The following KRT2 variants were observed in gnomAD, a reference collection of about 807,000 sequenced individuals.
The protein encoded by KRT2 is keratin, type II cytoskeletal 2 epidermal.
In KRT2, 37 loss-of-function variants were observed where a neutral mutation model predicts 48.5. The ratio of observed to expected loss-of-function variants is 0.76; its 90% CI spans 0.59 to 1.00. KRT2 has a LOEUF of 1.00. Ranked by LOEUF, KRT2 falls within the 50% of genes least tolerant of loss-of-function variation. The probability of loss-of-function intolerance (pLI) is 0.00; values close to 1 mark genes in which losing one functional copy is unlikely to be tolerated. For missense variants in KRT2, 880 were observed against 815.2 expected, an observed-to-expected ratio of 1.08 and a Z score of -0.97; for synonymous variants, 324 against 312.2, an observed-to-expected ratio of 1.04 and a Z score of -0.40.
In KRT2 at chr12:52,648,443, A is replaced by G. The variant is rs1941201781; in HGVS notation, c.958-106T>C. The stretch of plus-strand genomic sequence containing the variant: ...GGAAACGCAGACCCTCAGACTAAGC[A>G]TACACTAGGTGGGATGAAAATCATG... On this transcript the variant is annotated intron_variant, in intron 4 of 8. Coordinates refer to ENST00000309680, the MANE Select transcript of KRT2 (RefSeq NM_000423.3). 4.3e-6 allele frequency: 4 copies of G among 936,336 alleles called. No individual in the cohort carries two copies. In the Admixed American group the frequency reaches 6.8e-5, roughly 16 times the overall value. 58.0% of individuals were successfully genotyped at this position (936,336 alleles called of 1,614,324 possible).
chr12:52,645,731 G>T (rs918620525), intron 7 of KRT2, among the ~76,000 whole-genome samples, 162 bp from the exon 8 acceptor site: 1 of 152,164 alleles, frequency 6.6e-6, no homozygotes, highest in African/African-American at 2.4e-5. Flanking sequence ...ACACAATGAC[G>T]ACAGACCCCC....
chr12:52,645,055 T>G lies in KRT2; in HGVS notation c.1884A>C (p.Glu628Asp). Residue 628 changes from glutamate (E) to aspartate (D), a missense_variant, in exon 9 of 9, where the codon GAA becomes GAC. Physicochemically the swap from Glu to Asp is conservative, Grantham distance 45. Coordinates refer to ENST00000309680, the MANE Select transcript of KRT2 (RefSeq NM_000423.3). Reference protein sequence around the residue: ...GSSSVKGSSGEAFGSSVTFSF... With the variant: ...GSSSVKGSSGDAFGSSVTFSF... ...AGAAGGTCACGCTGGAACCAAAAGC[T>G]TCACCTGAGCTACCCTTTACAGAGC... 6.2e-7 allele frequency: 1 copy of G among 1,614,032 alleles called. No individual in the cohort carries two copies. The highest frequency in any genetic ancestry group is 8.5e-7 in the Non-Finnish European group (1 of 1,180,018).
At position 52,651,729 on chromosome 12, in the gene KRT2, A is replaced by G. The variant is rs375808782; in HGVS notation, c.414T>C (p.Pro138=). The change falls in exon 1 of 9, where the codon CCT becomes CCC. Residue 138 remains proline (P), a synonymous_variant. Transcript: ENST00000309680. ...GPGGVGGLGG[P]GGFGPGGYPG... ...GGTATCCTCCAGGCCCAAAGCCACC[A>G]GGACCCCCTAAACCTCCAACACCAC... is the stretch of plus-strand genomic sequence containing the variant. 2.5e-6 allele frequency: 4 copies of G among 1,613,904 alleles called. No homozygotes were observed. Among genetic ancestry groups the G allele is most frequent in the Non-Finnish European group, 3.4e-6 (4 of 1,179,990 alleles).
chr12:52,647,804 T>C lies in KRT2; in HGVS notation c.1174A>G (p.Ile392Val). The C allele has an allele frequency of 7.4e-6, 12 of 1,614,102 alleles. No homozygotes were observed. Among genetic ancestry groups the C allele is most frequent in the Non-Finnish European group, 9.3e-6 (11 of 1,180,022 alleles). The change falls in exon 6 of 9, where the codon ATC becomes GTC. Residue 392 changes from isoleucine (I) to valine (V), a missense_variant. Coordinates refer to ENST00000309680, the MANE Select transcript of KRT2 (RefSeq NM_000423.3). Reference sequence around the variant, plus strand: ...TTCAGCTCGCTGATCTCTATCTTGATCTCTTTCAGGCTGTCTCCATGTCTC... The same window carrying C: ...TTCAGCTCGCTGATCTCTATCTTGACCTCTTTCAGGCTGTCTCCATGTCTC... ...VGRHGDSLKEIKIEISELNRV... is the reference protein window; with the variant it reads ...VGRHGDSLKEVKIEISELNRV...
At chr12:52,649,516 AAC>A (rs543195031) in intron 3 of KRT2, among the ~76,000 whole-genome samples, 97 of 152,308 alleles carry the variant, frequency 6.4e-4, no homozygotes, top group African/African-American at 2.2e-3. Context: ...CCAGCAGGAG[AAC>A]CCTTGCTTTT....
rs199836359 is a variant in KRT2 at position 52,645,240 on chromosome 12, C to G, written c.1699G>C (p.Gly567Arg). Reference protein sequence around the residue: ...SISGGGYGSGGGSGGRYGSGG... With the variant: ...SISGGGYGSGRGSGGRYGSGG... ...GATCCGTATCTTCCTCCAGAACCAC[C>G]GCCAGAGCCATATCCTCCTCCAGAG... The change falls in exon 9 of 9, where the codon GGT becomes CGT. Residue 567 changes from glycine (G) to arginine (R), a missense_variant. Coordinates refer to ENST00000309680, the MANE Select transcript of KRT2 (RefSeq NM_000423.3). 1 of 1,614,054 alleles carries G rather than the reference C, an allele frequency of 6.2e-7. No homozygotes were observed. The highest frequency in any genetic ancestry group is 8.5e-7 in the Non-Finnish European group (1 of 1,180,004).
chr12:52,648,172 C>T lies in KRT2; in HGVS notation c.1122+1G>A, dbSNP rs1459490617. 1.2e-6 allele frequency: 2 copies of T among 1,614,124 alleles called. No homozygotes were observed. Among genetic ancestry groups the T allele is most frequent in the East Asian group, 2.2e-5 (1 of 44,870 alleles). On this transcript the variant is annotated splice_donor_variant, in intron 5 of 8. Transcript: ENST00000309680. LOFTEE classifies it high-confidence loss of function. ...GCTCTTCCTACATTCCCTCTACTTG[C>T]CTTGCTGTGGTACAGGGCCTCCGCT...
In KRT2 at chr12:52,645,583, A is replaced by G; in HGVS notation, c.1470-14T>C. ...TCTCCAGACATCCTGTAAGGGAGAG[A>G]GAAAAAACAAGTTGTGGTGGAACAC... On this transcript the variant is annotated splice_polypyrimidine_tract_variant and intron_variant, in intron 7 of 8. Coordinates refer to ENST00000309680, the MANE Select transcript of KRT2 (RefSeq NM_000423.3). 1.9e-6 allele frequency: 3 copies of G among 1,613,886 alleles called. No individual in the cohort carries two copies. Among genetic ancestry groups the G allele is most frequent in the Non-Finnish European group, 1.7e-6 (2 of 1,179,758 alleles).
At position 52,650,311 on chromosome 12, in the gene KRT2, CCACT is replaced by C. The variant is rs1941229031; in HGVS notation, c.800+24_800+27del. 14 of 1,577,076 alleles carry C rather than the reference CCACT, an allele frequency of 8.9e-6. No individual in the cohort carries two copies. In the East Asian group the frequency reaches 3.1e-4, roughly 35 times the overall value. On this transcript the variant is annotated intron_variant, in intron 2 of 8. Transcript: ENST00000309680. Reference sequence around the variant, plus strand: ...AAATGGCTCAGTGCAATGTTTATCTCCACTCAGCGTTTCACTCTGCCACCTACTT... The same window carrying C: ...AAATGGCTCAGTGCAATGTTTATCTCCAGCGTTTCACTCTGCCACCTACTT...
Position 52,647,732 on chromosome 12 carries a change from G to T in KRT2, c.1246C>A (p.Gln416Lys), listed in dbSNP as rs1414083821. The T allele has an allele frequency of 1.2e-6, 2 of 1,613,572 alleles. No homozygotes were observed. The highest frequency in any genetic ancestry group is 1.7e-6 in the Non-Finnish European group (2 of 1,179,860). The part of the protein sequence containing the change: ...LQGEIAHVKK[Q>K]CKNVQDAIAD... ...CGCTGGACAGGGCTGGGCCTCACCT[G>T]CTTCTTCACATGTGCGATCTCCCCC... Residue 416 changes from glutamine (Q) to lysine (K), a missense_variant and splice_region_variant, in exon 6 of 9, where the codon CAG becomes AAG. Gln to Lys is a moderately conservative substitution (Grantham distance 53, BLOSUM62 1). Coordinates refer to ENST00000309680, the MANE Select transcript of KRT2 (RefSeq NM_000423.3).
Position 52,649,914 on chromosome 12 carries a change from C to T in KRT2, c.861G>A (p.Lys287=). The part of the protein sequence containing the change: ...AAENDFVTLK[K]DVDNAYMIKV... Reference sequence around the variant, plus strand: ...CCAGCCAAGACATTCTCTCGCTCACCTTTTTAAGCGTCACAAAATCATTCT... The same window carrying T: ...CCAGCCAAGACATTCTCTCGCTCACTTTTTTAAGCGTCACAAAATCATTCT... Residue 287 remains lysine, a splice_region_variant and synonymous_variant, in exon 3 of 9, where the codon AAG becomes AAA. Coordinates refer to ENST00000309680, the MANE Select transcript of KRT2 (RefSeq NM_000423.3). 5 of 1,612,856 alleles carry T rather than the reference C, an allele frequency of 3.1e-6. No homozygotes were observed. The highest frequency in any genetic ancestry group is 4.2e-6 in the Non-Finnish European group (5 of 1,178,836).
At position 52,647,803 on chromosome 12, in the gene KRT2, A is replaced by T; in HGVS notation, c.1175T>A (p.Ile392Asn). The T allele has an allele frequency of 6.2e-7, 1 of 1,613,984 alleles. No homozygotes were observed. Among genetic ancestry groups the T allele is most frequent in the Non-Finnish European group, 8.5e-7 (1 of 1,180,004 alleles). ...VGRHGDSLKE[I>N]KIEISELNRV... The stretch of plus-strand genomic sequence containing the variant: ...GTTCAGCTCGCTGATCTCTATCTTG[A>T]TCTCTTTCAGGCTGTCTCCATGTCT... Residue 392 changes from isoleucine to asparagine, a missense_variant, in exon 6 of 9, where the codon ATC becomes AAC. Coordinates refer to ENST00000309680, the MANE Select transcript of KRT2 (RefSeq NM_000423.3).
chr12:52,652,059 C>A lies in KRT2; in HGVS notation c.84G>T (p.Val28=), dbSNP rs776068737. The change falls in exon 1 of 9, where the codon GTG becomes GTT. Residue 28 remains valine (V), a synonymous_variant. Transcript: ENST00000309680. ...TTGATCTCCGGCTTCCACCAGACAC[C>A]ACAGCTGAGCCGCTGCTGAAGCCCC... ...GFRGFSSGSA[V]VSGGSRRSTS... 1 of 1,603,464 alleles carries A rather than the reference C, an allele frequency of 6.2e-7. No homozygotes were observed. Among genetic ancestry groups the A allele is most frequent in the East Asian group, 2.2e-5 (1 of 44,870 alleles).
Position 52,652,015 on chromosome 12 carries a change from A to C in KRT2, c.128T>G (p.Leu43Trp). 6.2e-7 allele frequency: 1 copy of C among 1,610,156 alleles called. No individual in the cohort carries two copies. Among genetic ancestry groups the C allele is most frequent in the Non-Finnish European group, 8.5e-7 (1 of 1,179,894 alleles). ...SRRSTSSFSC[L>W]SRHGGGGGGF... ...CCCGCCACCACCACCATGGCGGCTC[A>C]AGCAGGAGAAGCTGGAAGTTGATCT... The change falls in exon 1 of 9, where the codon TTG (leucine) becomes TGG (tryptophan). Residue 43 changes from leucine to tryptophan, a missense_variant. By Grantham distance (61) the Leu-to-Trp change is moderately conservative (BLOSUM62 -2). Coordinates refer to ENST00000309680, the MANE Select transcript of KRT2 (RefSeq NM_000423.3).
chr12:52,646,546 G>A (rs1941163900), intron 7 of KRT2, among the ~76,000 whole-genome samples, 194 bp downstream of exon 7: 1 of 152,194 alleles, frequency 6.6e-6, no homozygotes. Flanking sequence ...ATCATTTCAT[G>A]TTGATAAATG....
At position 52,648,220 on chromosome 12, in the gene KRT2, TCTC is replaced by T. The variant is rs1278922773; in HGVS notation, c.1072_1074del (p.Glu358del). 14 of 1,614,190 alleles carry T rather than the reference TCTC, an allele frequency of 8.7e-6. No individual in the cohort carries two copies. The highest frequency in any genetic ancestry group is 1.2e-5 in the Non-Finnish European group (14 of 1,180,018). On this transcript the variant is annotated inframe_deletion, in exon 5 of 9. Coordinates refer to ENST00000309680, the MANE Select transcript of KRT2 (RefSeq NM_000423.3). ...GCTTCTTCCTTGCTCCTCTGGGCGA[TCTC>T]CTCATACTGGGCCTTGACCTCGGCG...
intron 2 of KRT2, 41 bp from the exon 3 acceptor site, chr12:52,650,015 C>G: frequency 6.7e-7 from 1 of 1,496,662 alleles, no homozygotes; most frequent in Non-Finnish European, 9.3e-7. Context: ...ATTAGTTCCC[C>G]TTCATTTTTT....
Position 52,651,885 on chromosome 12 carries a change from A to T in KRT2, c.258T>A (p.Ala86=). Reference sequence around the variant, plus strand: ...CACCTCCTCTGCCACCAAATCCACCAGCGGCGCCAAAGCCACCACCTCCTC... The same window carrying T: ...CACCTCCTCTGCCACCAAATCCACCTGCGGCGCCAAAGCCACCACCTCCTC... ...VAGGGGGFGA[A]GGFGGRGGGF... is the part of the protein sequence containing the mutation. The change falls in exon 1 of 9, where the codon GCT becomes GCA. Residue 86 remains alanine (A), a synonymous_variant. Coordinates refer to ENST00000309680, the MANE Select transcript of KRT2 (RefSeq NM_000423.3). 6.4e-7 allele frequency: 1 copy of T among 1,553,178 alleles called. No homozygotes were observed. The highest frequency in any genetic ancestry group is 1.4e-5 in the African/African-American group (1 of 73,966).
rs567256133 is a variant in KRT2 at position 52,650,809 on chromosome 12, C to T, written c.586-256G>A. 66 of 538,370 alleles carry T rather than the reference C, an allele frequency of 1.2e-4. No homozygotes were observed. In the Middle Eastern group the frequency reaches 1.5e-3, roughly 13 times the overall value. The allele number at this position is 538,370 out of a possible 1,614,324, so 33.3% of individuals were successfully genotyped here. ...GCTTCACTGCTCACTGGTTTGTTTGCAGCTGCTCCCAATACTCTAGACCAT... is the reference window on the plus strand; with the variant it reads ...GCTTCACTGCTCACTGGTTTGTTTGTAGCTGCTCCCAATACTCTAGACCAT... On this transcript the variant is annotated intron_variant, in intron 1 of 8. Coordinates refer to ENST00000309680, the MANE Select transcript of KRT2 (RefSeq NM_000423.3).
Sources: gnomAD v4.1 joint callset for allele counts (sites outside exome capture counted in the v4.1 genomes callset) on GRCh38, gnomAD v4.1.1 for gene constraint, MANE v1.5 for transcripts, NCBI Gene and HGNC (gene_info 2026-07-23, HGNC 2026-07-21) for gene names.